BOD1L1: variants seen among roughly 807,000 people sequenced by gnomAD.
BOD1L1 encodes the protein biorientation of chromosomes in cell division protein 1-like 1.
BOD1L1 carries 86 observed loss-of-function variants against 240.7 expected under a neutral mutation model. The ratio of observed to expected loss-of-function variants is 0.36; its 90% CI spans 0.30 to 0.43. The LOEUF is 0.43. BOD1L1 is among the 20% of genes least tolerant of loss of function. The probability of loss-of-function intolerance (pLI) is 1.00; values close to 1 mark genes in which losing one functional copy is unlikely to be tolerated. For missense variants in BOD1L1, 3,554 were observed against 3,643.5 expected (o/e 0.98, Z 0.63); for synonymous variants, 1,268 against 1,272.3 (o/e 1.00, Z 0.07).
At chr4:13,575,381 A>T (rs1017311961) in intron 25 of BOD1L1, among the ~76,000 whole-genome samples, 1 of 151,904 alleles carries the variant, frequency 6.6e-6, no homozygotes, top group African/African-American at 2.4e-5. Context: ...TTAAAAATTA[A>T]AAAAATATAT....
chr4:13,597,310 T>A, intron 10 of BOD1L1, 142 bp from the exon 11 acceptor site: 1 of 645,628 alleles, frequency 1.5e-6, no homozygotes, highest in Non-Finnish European at 2.7e-6. Flanking sequence ...TAGAAAATGA[T>A]CAAAAGGAAT....
intron 9 of BOD1L1, among the ~76,000 whole-genome samples, chr4:13,605,606 T>A (rs1246159887): frequency 6.6e-6 from 1 of 152,204 alleles, no homozygotes; most frequent in Non-Finnish European, 1.5e-5. Context: ...AACTCACTAA[T>A]GCCCAGTACT....
chr4:13,603,792 G>A lies in BOD1L1; in HGVS notation c.3108C>T (p.Asp1036=), dbSNP rs747266674. The change falls in exon 10 of 26, where the codon GAC becomes GAT. Residue 1036 remains aspartate (D), a synonymous_variant. Transcript: ENST00000040738. ...CATCCTTGTCATCTGATTTATTTTC[G>A]TCCTTCTTTTTTATGTCTTTACTAC... The part of the protein sequence containing the change: ...KHSSKDIKKK[D]ENKSDDKDGK... The A allele has an allele frequency of 1.7e-5, 27 of 1,612,922 alleles. No homozygotes were observed. The highest frequency in any genetic ancestry group is 8.8e-5 in the South Asian group (8 of 90,982).
At position 13,604,030 on chromosome 4, in the gene BOD1L1, T is replaced by G; in HGVS notation, c.2870A>C (p.Lys957Thr). The part of the protein sequence containing the change: ...TEENDSEKQR[K>T]SKVEDKPFEE... ...AAAAGGTTTGTCTTCAACTTTAGAC[T>G]TACGCTGTTTTTCTGAGTCATTTTC... is the stretch of plus-strand genomic sequence containing the variant. Residue 957 changes from lysine (K) to threonine (T), a missense_variant, in exon 10 of 26, where the codon AAG becomes ACG. Coordinates refer to ENST00000040738, the MANE Select transcript of BOD1L1 (RefSeq NM_148894.3). 2.5e-6 allele frequency: 4 copies of G among 1,613,966 alleles called. No individual in the cohort carries two copies. The highest frequency in any genetic ancestry group is 3.4e-6 in the Non-Finnish European group (4 of 1,179,872).
chr4:13,596,011 G>T, intron 11 of BOD1L1, 67 bp from the exon 12 acceptor site: 2 of 1,282,940 alleles, frequency 1.6e-6, no homozygotes, highest in Non-Finnish European at 1.1e-6. Context: ...AACCTCAAGT[G>T]AATTAAACAA....
chr4:13,591,212 T>C (rs1363534374), intron 13 of BOD1L1, among the ~76,000 whole-genome samples: 1 of 152,148 alleles, frequency 6.6e-6, no homozygotes, highest in Non-Finnish European at 1.5e-5. Flanking sequence ...CCATAATCTT[T>C]TTAACTCTTG....
Position 13,627,407 on chromosome 4 carries a change from G to A in BOD1L1, c.181C>T (p.Leu61Phe). 1 of 1,394,416 alleles carries A rather than the reference G, an allele frequency of 7.2e-7. No homozygotes were observed. Among genetic ancestry groups the A allele is most frequent in the Admixed American group, 2.3e-5 (1 of 43,940 alleles). The allele number at this position is 1,394,416 out of a possible 1,614,324, so 86.4% of individuals were successfully genotyped here. ...TGGTCGAAGAGCCCCTGGCTCTTGA[G>A]GTGGTTCACGATCATGGCCACGAGC... is the stretch of plus-strand genomic sequence containing the variant. ...PQLVAMIVNH[L>F]KSQGLFDQFR... The change falls in exon 1 of 26, where the codon CTC becomes TTC. Residue 61 changes from leucine to phenylalanine, a missense_variant. By Grantham distance (22) the Leu-to-Phe change is conservative. Around this residue, in one of 2 missense-constraint regions of BOD1L1, gnomAD observed 161 missense variants for 216.4 expected, o/e 0.74. Coordinates refer to ENST00000040738, the MANE Select transcript of BOD1L1 (RefSeq NM_148894.3).
At chr4:13,627,313 T>A in intron 1 of BOD1L1, 32 bp downstream of exon 1, 2 of 1,224,780 alleles carry the variant, frequency 1.6e-6, no homozygotes, top group Non-Finnish European at 1.0e-6. Flanking sequence ...TCCCCTTCCC[T>A]CGCAGACCCC....
chr4:13,624,149 T>C (rs1317183550), intron 1 of BOD1L1: 1 of 151,868 alleles, frequency 6.6e-6, no homozygotes, highest in African/African-American at 2.4e-5. Context: ...GAGAGAGTCA[T>C]GGGGTAAAGG....
chr4:13,587,650 AAAT>A, intron 16 of BOD1L1, 46 bp downstream of exon 16: 7 of 1,379,826 alleles, frequency 5.1e-6, no homozygotes, highest in Non-Finnish European at 7.0e-6. Context: ...TTGGATATAA[AAAT>A]AATGATTTTC....
In BOD1L1 at chr4:13,600,173, C is replaced by G. The variant is rs1243773970; in HGVS notation, c.6727G>C (p.Ala2243Pro). ...TCTTTTTCTTCCATGACTGTGCCAG[C>G]TCGCTCATTTTCACTTTCAACAACT... Reference protein sequence around the residue: ...GVVVESENERAGTVMEEKDGS... With the variant: ...GVVVESENERPGTVMEEKDGS... The change falls in exon 10 of 26, where the codon GCT (alanine) becomes CCT (proline). Residue 2243 changes from alanine (A) to proline (P), a missense_variant. Ala to Pro is a conservative substitution (Grantham distance 27, BLOSUM62 -1). This residue lies in a region of BOD1L1 where 3,393 missense variants were observed against 3,427.1 expected (regional missense o/e 0.99). Transcript: ENST00000040738. The G allele has an allele frequency of 1.9e-6, 3 of 1,614,012 alleles. No individual in the cohort carries two copies. The South Asian group carries it at 3.3e-5, about 18-fold the overall frequency.
intron 25 of BOD1L1, among the ~76,000 whole-genome samples, chr4:13,576,440 G>A (rs540777232): frequency 1.3e-5 from 2 of 152,226 alleles, no homozygotes; most frequent in South Asian, 2.1e-4. Context: ...ATGTGATGAC[G>A]GTGCGTGGGC....
rs1408073837 is a variant in BOD1L1, at chr4:13,627,681, G to T, written c.-94C>A. 7 of 995,920 alleles carry T rather than the reference G, an allele frequency of 7.0e-6. No homozygotes were observed. Among genetic ancestry groups the T allele is most frequent in the Non-Finnish European group, 6.0e-6 (5 of 833,766 alleles). The allele number at this position is 995,920 out of a possible 1,614,324, so 61.7% of individuals were successfully genotyped here. ...GTCCCGCCGCCTGAGGGAAGCCAACGGGATGTTGTTACGGAACCAGCGGAT... is the reference window on the plus strand; with the variant it reads ...GTCCCGCCGCCTGAGGGAAGCCAACTGGATGTTGTTACGGAACCAGCGGAT... On this transcript the variant is annotated 5_prime_UTR_variant, in exon 1 of 26. Coordinates refer to ENST00000040738, the MANE Select transcript of BOD1L1 (RefSeq NM_148894.3).
At position 13,613,766 on chromosome 4, in the gene BOD1L1, T is replaced by C. The variant is rs1221873910; in HGVS notation, c.1175-105A>G. ...CTTAAAATTTTCTGCTTTAAATACG[T>C]GTCAAACTATCAAACAAGGCAGAGT... On this transcript the variant is annotated intron_variant, in intron 4 of 25. Coordinates refer to ENST00000040738, the MANE Select transcript of BOD1L1 (RefSeq NM_148894.3). The surrounding 1 kb of genome is among the most constrained non-coding windows in gnomAD (Gnocchi z 4.0). 2.3e-6 allele frequency: 2 copies of C among 871,826 alleles called. No homozygotes were observed. The highest frequency in any genetic ancestry group is 3.2e-6 in the Non-Finnish European group (2 of 624,652). 54.0% of individuals were successfully genotyped at this position (871,826 alleles called of 1,614,324 possible).
chr4:13,585,987 C>T (rs759573817), intron 17 of BOD1L1, among the ~76,000 whole-genome samples: 1 of 152,086 alleles, frequency 6.6e-6, no homozygotes, highest in Non-Finnish European at 1.5e-5. Context: ...TTATTAGCAG[C>T]ATGAGAACAG....
At chr4:13,570,729 G>A (rs1360734374) in intron 25 of BOD1L1, among the ~76,000 whole-genome samples, 1 of 152,176 alleles carries the variant, frequency 6.6e-6, no homozygotes, top group Non-Finnish European at 1.5e-5. Context: ...GATGTATGAA[G>A]TTCCTCTTGG....
In BOD1L1 at chr4:13,602,509, C is replaced by T. The variant is rs977187068; in HGVS notation, c.4391G>A (p.Gly1464Asp). The T allele has an allele frequency of 6.2e-7, 1 of 1,613,940 alleles. No homozygotes were observed. Among genetic ancestry groups the T allele is most frequent in the Non-Finnish European group, 8.5e-7 (1 of 1,179,880 alleles). Reference protein sequence around the residue: ...TVKLKHKRSPGKVKDISIDVE... With the variant: ...TVKLKHKRSPDKVKDISIDVE... ...ATCAATTGATATGTCTTTTACTTTA[C>T]CTGGGCTTCTTTTATGCTTAAGTTT... Residue 1464 changes from glycine to aspartate, a missense_variant, in exon 10 of 26, where the codon GGT becomes GAT. This residue lies in a region of BOD1L1 where 3,393 missense variants were observed against 3,427.1 expected (regional missense o/e 0.99). Transcript: ENST00000040738.
chr4:13,586,967 C>T (rs1713756920), intron 16 of BOD1L1, among the ~76,000 whole-genome samples: 1 of 152,070 alleles, frequency 6.6e-6, no homozygotes, highest in African/African-American at 2.4e-5. Flanking sequence ...ATGGATAGTA[C>T]CTGAATACAT....
rs1292820139 is a variant in BOD1L1 at position 13,569,330 on chromosome 4, C to T, written c.*681G>A. ...CACAGATGCAAGTATAATCTAAAAACAAGTTACATTCTTAAAAAACAGAGC... is the reference window on the plus strand; with the variant it reads ...CACAGATGCAAGTATAATCTAAAAATAAGTTACATTCTTAAAAAACAGAGC... On this transcript the variant is annotated 3_prime_UTR_variant, in exon 26 of 26. Transcript: ENST00000040738. 1 of 152,096 alleles carries T rather than the reference C, an allele frequency of 6.6e-6. No individual in the cohort carries two copies. Among genetic ancestry groups the T allele is most frequent in the African/African-American group, 2.4e-5 (1 of 41,416 alleles). The allele number at this position is 152,096 out of a possible 1,614,324, so 9.4% of individuals were successfully genotyped here. A position where few individuals can be genotyped will look rare whatever the true frequency, so the allele number is the denominator to read the frequency against.
Sources: allele counts gnomAD v4.1 joint callset (sites outside exome capture counted in the v4.1 genomes callset), GRCh38; gene constraint gnomAD v4.1.1; regional missense constraint gnomAD v4.1.1; non-coding constraint Gnocchi (gnomAD v3.1); transcripts MANE v1.5; gene names NCBI Gene and HGNC (gene_info 2026-07-23, HGNC 2026-07-21).